Variants in RIPOR2 observed in about 807,000 individuals in gnomAD.
RIPOR2 encodes the protein RHO family interacting cell polarization regulator 2, also known as rho family-interacting cell polarization regulator 2.
A neutral mutation model predicts 114.5 loss-of-function variants in RIPOR2; 39 were observed. That is an observed-to-expected ratio of 0.34 (90% CI 0.26 to 0.44). RIPOR2 has a LOEUF of 0.44. RIPOR2 is among the 20% of genes least tolerant of loss of function. The pLI is 1.00. For synonymous variants in RIPOR2, 445 were observed against 484.4 expected, an observed-to-expected ratio of 0.92 and a Z score of 1.07; for missense variants, 1,007 against 1,255.1, an observed-to-expected ratio of 0.80 and a Z score of 2.99.
At chr6:24,893,821 G>A (rs1767592331) in intron 1 of RIPOR2, among the ~76,000 whole-genome samples, 1 of 152,192 alleles carries the variant, frequency 6.6e-6, no homozygotes, top group South Asian at 2.1e-4. Context: ...ATAGGGAGAA[G>A]CTTGTGGGAA....
At chr6:24,899,593 C>A (rs1454136619) in intron 1 of RIPOR2, among the ~76,000 whole-genome samples, 1 of 152,194 alleles carries the variant, frequency 6.6e-6, no homozygotes, top group Admixed American at 6.5e-5. Flanking sequence ...AGGTAATTAT[C>A]CTGCATAATT....
In RIPOR2 at chr6:24,968,064, C is replaced by T. The variant is rs193064097; in HGVS notation, c.76+73787G>A. On this transcript the variant is annotated intron_variant, in intron 1 of 13. Transcript: ENST00000510784. ...AGTAGCTGGGATTACAGGCACGTGTCACCACACCTGGCTCTATTTTTAATA... is the reference window on the plus strand; with the variant it reads ...AGTAGCTGGGATTACAGGCACGTGTTACCACACCTGGCTCTATTTTTAATA... Among the ~76,000 whole-genome samples, 46 of 152,114 alleles carry T rather than the reference C, an allele frequency of 3.0e-4. 1 individual carries two copies. The East Asian group carries it at 8.7e-3, about 29-fold the overall frequency.
chr6:25,024,153 C>T, intron 1 of RIPOR2: 1 of 1,114,900 alleles, frequency 9.0e-7, no homozygotes, highest in Non-Finnish European at 1.4e-6. Flanking sequence ...GCGGGACACC[C>T]CCTCCTGCTG....
chr6:24,866,061 G>A (rs1466105818), intron 6 of RIPOR2, among the ~76,000 whole-genome samples: 1 of 151,874 alleles, frequency 6.6e-6, no homozygotes, highest in East Asian at 1.9e-4. Context: ...AGTAACTTGG[G>A]GATATATATT....
chr6:24,872,164 G>T (rs979457279), intron 4 of RIPOR2, among the ~76,000 whole-genome samples: 4 of 152,088 alleles, frequency 2.6e-5, no homozygotes, highest in Non-Finnish European at 5.9e-5. Context: ...AAATAGTGTA[G>T]ACATTAGAAC....
chr6:24,935,995 C>A, upstream of RIPOR2: 3 of 918,846 alleles, frequency 3.3e-6, no homozygotes, highest in South Asian at 1.4e-5. Context: ...TTGGGTTGCC[C>A]AAGCCCTCTG....
chr6:24,983,477 C>A (rs1477498091), intron 1 of RIPOR2, among the ~76,000 whole-genome samples: 1 of 152,102 alleles, frequency 6.6e-6, no homozygotes, highest in Non-Finnish European at 1.5e-5. Context: ...AGCCCTGAGG[C>A]CAGGCGCGGT....
chr6:25,041,798 G>T (rs1777469083), intron 1 of RIPOR2: 1 of 688,732 alleles, frequency 1.5e-6, no homozygotes, highest in South Asian at 1.5e-5. Flanking sequence ...TGTGTTGCGG[G>T]AAAGTGTGGA....
At chr6:24,962,328 TA>T (rs1344357929) in intron 1 of RIPOR2, among the ~76,000 whole-genome samples, 5 of 152,214 alleles carry the variant, frequency 3.3e-5, no homozygotes, top group African/African-American at 1.2e-4. Flanking sequence ...AAGAGATAAG[TA>T]AAAAGCTATT....
intron 1 of RIPOR2, among the ~76,000 whole-genome samples, chr6:24,924,393 C>T (rs115518008): frequency 1.5e-3 from 226 of 152,212 alleles, no homozygotes; most frequent in Non-Finnish European, 2.6e-3. Flanking sequence ...GAAAGAAGTC[C>T]CTTGAAATGT....
At position 24,836,953 on chromosome 6, in the gene RIPOR2, TA is replaced by T. The variant is rs572710810; in HGVS notation, c.2040-1083del. ...ACATTTATAAAACCTGTGCTTGTGA[TA>T]TTTTTTTGTTAAAATGTTTCTTATA... On this transcript the variant is annotated intron_variant, in intron 14 of 21. Coordinates refer to ENST00000643898, the MANE Select transcript of RIPOR2 (RefSeq NM_001286445.3). 1.2e-3 allele frequency among the ~76,000 whole-genome samples: 190 copies of T among 152,314 alleles called. 1 individual carries two copies. Among genetic ancestry groups the T allele is most frequent in the African/African-American group, 4.1e-3 (172 of 41,568 alleles).
Position 24,817,978 on chromosome 6 carries a change from C to CTTTTTTTTTTTTTTTTTTTTTTTTTT in RIPOR2, c.2952+563_2952+564insAAAAAAAAAAAAAAAAAAAAAAAAAA, listed in dbSNP as rs57294288. Among the ~76,000 whole-genome samples the CTTTTTTTTTTTTTTTTTTTTTTTTTT allele has an allele frequency of 3.4e-5, 4 of 118,366 alleles. 1 individual carries two copies. Among genetic ancestry groups the CTTTTTTTTTTTTTTTTTTTTTTTTTT allele is most frequent in the Non-Finnish European group, 5.1e-5 (3 of 59,054 alleles). 77.7% of individuals were successfully genotyped at this position (118,366 alleles called of 152,430 possible). A position where few individuals can be genotyped will look rare whatever the true frequency, so the allele number is the denominator to read the frequency against. ...ATACTTTCCTTTTCTCTCTCTCTCTCTTTTTTTTTGAGACAGAGTCTGGCT... is the reference window on the plus strand; with the variant it reads ...ATACTTTCCTTTTCTCTCTCTCTCTCTTTTTTTTTTTTTTTTTTTTTTTTTTTTTTTTTTTGAGACAGAGTCTGGCT... On this transcript the variant is annotated intron_variant, in intron 20 of 21. Transcript: ENST00000643898.
chr6:24,829,090 A>C (rs1172282370), intron 17 of RIPOR2, among the ~76,000 whole-genome samples: 1 of 151,510 alleles, frequency 6.6e-6, no homozygotes, highest in Non-Finnish European at 1.5e-5. Flanking sequence ...GAGGCAGGTG[A>C]ATCACCTGAG....
intron 1 of RIPOR2, among the ~76,000 whole-genome samples, chr6:24,966,195 G>A (rs752888411): frequency 2.6e-5 from 4 of 152,138 alleles, no homozygotes; most frequent in Non-Finnish European, 4.4e-5. Context: ...ACTTTATGAA[G>A]CTTAAAGATC....
intron 1 of RIPOR2, among the ~76,000 whole-genome samples, chr6:24,968,723 C>G (rs1773644907): frequency 2.0e-5 from 3 of 152,242 alleles, no homozygotes; most frequent in East Asian, 1.9e-4. Context: ...CTTGCAGGAC[C>G]CTGAGAGTGA....
At position 24,923,045 on chromosome 6, in the gene RIPOR2, C is replaced by T. The variant is rs1770621891; in HGVS notation, c.61+12793G>A. On this transcript the variant is annotated intron_variant, in intron 1 of 21. Coordinates refer to ENST00000643898, the MANE Select transcript of RIPOR2 (RefSeq NM_001286445.3). ...TAAAGCAATTCCCTGCTCTCTCCTC[C>T]CCCCAGCCTCTGGCAACCACCGTCT... Among the ~76,000 whole-genome samples, 5 of 151,864 alleles carry T rather than the reference C, an allele frequency of 3.3e-5. No individual in the cohort carries two copies. In the South Asian group the frequency reaches 8.3e-4, roughly 25 times the overall value.
chr6:24,895,426 G>C (rs1395324776), intron 1 of RIPOR2, among the ~76,000 whole-genome samples: 1 of 145,706 alleles, frequency 6.9e-6, no homozygotes, highest in Non-Finnish European at 1.5e-5. Flanking sequence ...TGGGGCCTGG[G>C]CATACGTACT....
chr6:24,830,799 T>G, intron 16 of RIPOR2, 129 bp from the exon 17 acceptor site: 1 of 922,312 alleles, frequency 1.1e-6, no homozygotes, highest in Non-Finnish European at 1.6e-6. Flanking sequence ...CACTGGAACT[T>G]CCGCCTCCTG....
chr6:24,997,588 C>T (rs1401373687), intron 1 of RIPOR2, among the ~76,000 whole-genome samples: 1 of 152,132 alleles, frequency 6.6e-6, no homozygotes, highest in Non-Finnish European at 1.5e-5. Context: ...ATCTCTGGCC[C>T]CTACCCACTA....
Sources: allele counts gnomAD v4.1 joint callset (sites outside exome capture counted in the v4.1 genomes callset), GRCh38; gene constraint gnomAD v4.1.1; transcripts MANE v1.5; gene names NCBI Gene and HGNC (gene_info 2026-07-23, HGNC 2026-07-21).